Variants in RCC1L observed in about 807,000 individuals in gnomAD.
The protein encoded by RCC1L is RCC1 like.
Under a neutral mutation model 58.6 loss-of-function variants are expected in RCC1L, and 46 were observed. The observed-to-expected ratio is 0.79, with a 90% CI of 0.62 to 1.00. The LOEUF is 1.00. RCC1L is among the 50% of genes least tolerant of loss of function. The pLI is 0.00. For synonymous variants in RCC1L, 281 were observed against 262.9 expected, an observed-to-expected ratio of 1.07 and a Z score of -0.67; for missense variants, 636 against 623.6, an observed-to-expected ratio of 1.02 and a Z score of -0.21.
At chr7:75,054,891 G>T (rs1806026192) in intron 9 of RCC1L, among the ~76,000 whole-genome samples, 2 of 152,228 alleles carry the variant, frequency 1.3e-5, no homozygotes, top group African/African-American at 4.8e-5. Context: ...TGCCACTTCA[G>T]TGCTTCAGCC....
At position 75,058,583 on chromosome 7, in the gene RCC1L, C is replaced by T; in HGVS notation, c.969+5G>A. 1 of 1,598,916 alleles carries T rather than the reference C, an allele frequency of 6.3e-7. No individual in the cohort carries two copies. The highest frequency in any genetic ancestry group is 8.5e-7 in the Non-Finnish European group (1 of 1,171,774). ...CCCAGCACCACGCTGTCGGCGACTGCATACCTGTGTGGAGTCAGTGACAGA... is the reference window on the plus strand; with the variant it reads ...CCCAGCACCACGCTGTCGGCGACTGTATACCTGTGTGGAGTCAGTGACAGA... On this transcript the variant is annotated splice_donor_5th_base_variant and intron_variant, in intron 7 of 10. Transcript: ENST00000610322.
At position 75,066,679 on chromosome 7, in the gene RCC1L, T is replaced by G; in HGVS notation, c.568A>C (p.Thr190Pro). The change falls in exon 3 of 11, where the codon ACT becomes CCT. Residue 190 changes from threonine (T) to proline (P), a missense_variant. Coordinates refer to ENST00000610322, the MANE Select transcript of RCC1L (RefSeq NM_030798.5). ...SCGRAHSLVL[T>P]DREGVFSMGN... ...GTCAACTCACCTCCTTCCCTGTCAG[T>G]CAACACAAGAGAGTGAGCTCGGCCG... 1 of 1,612,674 alleles carries G rather than the reference T, an allele frequency of 6.2e-7. No individual in the cohort carries two copies. Among genetic ancestry groups the G allele is most frequent in the Non-Finnish European group, 8.5e-7 (1 of 1,179,328 alleles).
At chr7:75,031,456 T>G (rs1396705764) in intron 10 of RCC1L, among the ~76,000 whole-genome samples, 3 of 151,960 alleles carry the variant, frequency 2.0e-5, no homozygotes, top group Non-Finnish European at 4.4e-5. Context: ...GAAAAAAAAT[T>G]ACCTAATGTT....
intron 10 of RCC1L, among the ~76,000 whole-genome samples, chr7:75,035,359 A>G (rs1161282226): frequency 6.6e-6 from 1 of 152,216 alleles, no homozygotes; most frequent in Non-Finnish European, 1.5e-5. Context: ...GCAGAAACAC[A>G]AGAAAAGCAG....
In RCC1L at chr7:75,052,668, T is replaced by A. The variant is rs782784456; in HGVS notation, c.1317+43A>T. ...TGTCTGCAGTGACGTCAGGTGACTCTACTCTTAGCATCCATTCTCAAGACC... is the reference window on the plus strand; with the variant it reads ...TGTCTGCAGTGACGTCAGGTGACTCAACTCTTAGCATCCATTCTCAAGACC... On this transcript the variant is annotated intron_variant, in intron 10 of 10. Transcript: ENST00000610322. 4 of 1,567,650 alleles carry A rather than the reference T, an allele frequency of 2.6e-6. No individual in the cohort carries two copies. In the Admixed American group the frequency reaches 5.5e-5, roughly 22 times the overall value.
chr7:75,049,669 A>C (rs180991296), intron 10 of RCC1L, among the ~76,000 whole-genome samples: 1,571 of 119,652 alleles, frequency 0.013, 31 homozygotes, highest in African/African-American at 0.074. Flanking sequence ...CCCTGTTTTC[A>C]AAAAAAAAAA....
At chr7:75,061,377 C>T in intron 5 of RCC1L, 86 bp from the exon 6 acceptor site, 1 of 1,153,232 alleles carries the variant, frequency 8.7e-7, no homozygotes, top group South Asian at 1.2e-5. Context: ...GCACCATCGC[C>T]TGCCGCTCCT....
At position 75,042,749 on chromosome 7, in the gene RCC1L, G is replaced by A. The variant is rs1805603880; in HGVS notation, c.*283C>T. On this transcript the variant is annotated 3_prime_UTR_variant, in exon 11 of 11. Transcript: ENST00000610322. ...CAGGCGAGACGTGACACCAGACACC[G>A]TCGCATGTTACTTGGAGAGAACAGA... 2.9e-6 allele frequency: 4 copies of A among 1,366,940 alleles called. No homozygotes were observed. Among genetic ancestry groups the A allele is most frequent in the African/African-American group, 1.5e-5 (1 of 68,074 alleles). 84.7% of individuals were successfully genotyped at this position (1,366,940 alleles called of 1,614,324 possible). A position where few individuals can be genotyped will look rare whatever the true frequency, so the allele number is the denominator to read the frequency against.
intron 8 of RCC1L, 50 bp downstream of exon 8, chr7:75,057,479 A>G: frequency 4.4e-6 from 7 of 1,586,532 alleles, no homozygotes; most frequent in South Asian, 1.1e-5. Context: ...ACCACTCCCT[A>G]TGTAATCTAC....
chr7:75,030,946 G>A (rs1442580568), intron 10 of RCC1L, among the ~76,000 whole-genome samples: 1 of 152,180 alleles, frequency 6.6e-6, no homozygotes, highest in Non-Finnish European at 1.5e-5. Flanking sequence ...GGAGACCCCT[G>A]CCCCTCACCC....
chr7:75,066,562 A>AT, intron 3 of RCC1L, 102 bp downstream of exon 3: 2 of 1,512,600 alleles, frequency 1.3e-6, no homozygotes, highest in South Asian at 2.3e-5. Flanking sequence ...CACTCATTAG[A>AT]TGTGGCTCAA....
chr7:75,038,653 G>A (rs1474245451), downstream of RCC1L, among the ~76,000 whole-genome samples: 1 of 152,020 alleles, frequency 6.6e-6, no homozygotes, highest in Non-Finnish European at 1.5e-5. Flanking sequence ...AGGGGTGGAT[G>A]GACGACAGCC....
chr7:75,037,889 C>T (rs1326119155), downstream of RCC1L, among the ~76,000 whole-genome samples: 1 of 152,236 alleles, frequency 6.6e-6, no homozygotes, highest in Non-Finnish European at 1.5e-5. Context: ...GCTATCAGGA[C>T]TCCTAACACT....
chr7:75,072,155 C>CATACATATATATATAT (rs1806760182), intron 1 of RCC1L, among the ~76,000 whole-genome samples: 1 of 48,130 alleles, frequency 2.1e-5, no homozygotes, highest in Admixed American at 3.5e-4. Flanking sequence ...TATACATATA[C>CATACATATATATATAT]ATATACATAT....
chr7:75,038,437 TA>T (rs1290282795), downstream of RCC1L, among the ~76,000 whole-genome samples: 1 of 152,000 alleles, frequency 6.6e-6, no homozygotes, highest in Non-Finnish European at 1.5e-5. Flanking sequence ...TTTGTGTTTT[TA>T]TTTATTTATT....
intron 9 of RCC1L, among the ~76,000 whole-genome samples, chr7:75,055,356 C>A (rs923742778): frequency 2.0e-5 from 3 of 152,114 alleles, no homozygotes; most frequent in Non-Finnish European, 2.9e-5. Context: ...ATCTGGCAGG[C>A]CTTTGGGAAA....
In RCC1L at chr7:75,042,764, G is replaced by A; in HGVS notation, c.*268C>T. The A allele has an allele frequency of 2.9e-6, 4 of 1,399,898 alleles. No individual in the cohort carries two copies. In the African/African-American group the frequency reaches 4.4e-5, roughly 15 times the overall value. 86.7% of individuals were successfully genotyped at this position (1,399,898 alleles called of 1,614,324 possible). On this transcript the variant is annotated 3_prime_UTR_variant, in exon 11 of 11. Coordinates refer to ENST00000610322, the MANE Select transcript of RCC1L (RefSeq NM_030798.5). ...ACCAGACACCGTCGCATGTTACTTG[G>A]AGAGAACAGAGACGTGCGGGCCACA...
chr7:75,047,572 G>A (rs1554442929), intron 10 of RCC1L, among the ~76,000 whole-genome samples: 1 of 152,126 alleles, frequency 6.6e-6, no homozygotes, highest in East Asian at 1.9e-4. Context: ...CCTGTGCCCG[G>A]CTTTTAACTT....
intron 1 of RCC1L, 64 bp downstream of exon 1, chr7:75,073,350 G>A (rs1485950053): frequency 1.7e-5 from 13 of 747,456 alleles, no homozygotes; most frequent in Non-Finnish European, 2.3e-5. Context: ...GAGCCGAACA[G>A]GTCGAGGGAG....
Sources: allele counts gnomAD v4.1 joint callset (sites outside exome capture counted in the v4.1 genomes callset), GRCh38; gene constraint gnomAD v4.1.1; transcripts MANE v1.5; gene names NCBI Gene and HGNC (gene_info 2026-07-23, HGNC 2026-07-21).